Variants in PXDNL observed in about 807,000 individuals in gnomAD.
PXDNL encodes peroxidasin like, also known as probable oxidoreductase PXDNL.
In PXDNL, 145 loss-of-function variants were observed where a neutral mutation model predicts 150.8. The ratio of observed to expected loss-of-function variants is 0.96; its 90% CI spans 0.84 to 1.10. The LOEUF (loss-of-function observed/expected upper bound fraction) is 1.10. Ranked by LOEUF, PXDNL falls within the 50% of genes least tolerant of loss-of-function variation. The pLI is 0.00. For missense variants in PXDNL, 2,087 were observed against 1,873.9 expected, an observed-to-expected ratio of 1.11 and a Z score of -2.10; for synonymous variants, 757 against 725.7, an observed-to-expected ratio of 1.04 and a Z score of -0.69.
At chr8:51,775,082 C>T (rs1293517932) in intron 1 of PXDNL, among the ~76,000 whole-genome samples, 1 of 152,006 alleles carries the variant, frequency 6.6e-6, no homozygotes, top group Non-Finnish European at 1.5e-5. Flanking sequence ...GTTTTGTTCT[C>T]CCATTAAATA....
At chr8:51,794,050 A>C (rs2037538912) in intron 1 of PXDNL, among the ~76,000 whole-genome samples, 1 of 152,046 alleles carries the variant, frequency 6.6e-6, no homozygotes, top group African/African-American at 2.4e-5. Context: ...GAATAGACCA[A>C]GCAGAAGAAA....
In PXDNL at chr8:51,409,243, G is replaced by A. The variant is rs868265244; in HGVS notation, c.2381C>T (p.Thr794Ile). Residue 794 changes from threonine to isoleucine, a missense_variant, in exon 17 of 23, where the codon ACC becomes ATC. Thr to Ile is a moderately conservative substitution (Grantham distance 89, BLOSUM62 -1). Coordinates refer to ENST00000356297, the MANE Select transcript of PXDNL (RefSeq NM_144651.5). ...CATGCGCGTGTAGCTGTGGTCGGGG[G>A]TGACGGCCGCCGCGCGCGCCCACAC... The part of the protein sequence containing the change: ...ATVWARAAAV[T>I]PDHSYTRMLM... 6.6e-7 allele frequency: 1 copy of A among 1,520,820 alleles called. No individual in the cohort carries two copies. The highest frequency in any genetic ancestry group is 8.8e-7 in the Non-Finnish European group (1 of 1,138,412). 94.2% of individuals were successfully genotyped at this position (1,520,820 alleles called of 1,614,324 possible). A position where few individuals can be genotyped will look rare whatever the true frequency, so the allele number is the denominator to read the frequency against.
intron 1 of PXDNL, among the ~76,000 whole-genome samples, chr8:51,664,818 T>C (rs1186520965): frequency 6.6e-6 from 1 of 152,080 alleles, no homozygotes; most frequent in African/African-American, 2.4e-5. Flanking sequence ...GTCACCCATC[T>C]CCACACCCTG....
chr8:51,620,599 A>C (rs1041778099), intron 2 of PXDNL, among the ~76,000 whole-genome samples: 12 of 151,158 alleles, frequency 7.9e-5, no homozygotes, highest in African/African-American at 2.9e-4. Flanking sequence ...GCTGGAGTGC[A>C]GTGGCACGAT....
chr8:51,336,765 C>T (rs1805840483), intron 21 of PXDNL, among the ~76,000 whole-genome samples: 1 of 152,184 alleles, frequency 6.6e-6, no homozygotes, highest in Non-Finnish European at 1.5e-5. Flanking sequence ...ATCAGTCAGG[C>T]ATTTGCTACA....
chr8:51,590,065 A>G (rs1348642771), intron 3 of PXDNL, among the ~76,000 whole-genome samples: 1 of 152,062 alleles, frequency 6.6e-6, no homozygotes, highest in African/African-American at 2.4e-5. Flanking sequence ...CCTTCCATGG[A>G]CTTGCTGCTC....
intron 2 of PXDNL, among the ~76,000 whole-genome samples, chr8:51,644,646 A>T (rs1814877695): frequency 6.6e-6 from 1 of 151,086 alleles, no homozygotes; most frequent in African/African-American, 2.4e-5. Context: ...TTTAGTAGAG[A>T]TGGGGTTTCA....
intron 2 of PXDNL, among the ~76,000 whole-genome samples, chr8:51,604,150 T>G (rs1350387810): frequency 6.6e-6 from 1 of 152,068 alleles, no homozygotes; most frequent in East Asian, 1.9e-4. Context: ...CATTACTGGG[T>G]ATATACCCAA....
At chr8:51,392,704 C>T (rs939250001) in intron 17 of PXDNL, among the ~76,000 whole-genome samples, 1 of 152,158 alleles carries the variant, frequency 6.6e-6, no homozygotes, top group African/African-American at 2.4e-5. Context: ...ATTTGACTTC[C>T]TCTTTTCCTA....
chr8:51,809,080 G>T, intron 1 of PXDNL, 101 bp downstream of exon 1: 2 of 1,231,400 alleles, frequency 1.6e-6, no homozygotes, highest in Non-Finnish European at 2.3e-6. Flanking sequence ...TATACAAGCA[G>T]GGAGAGCATT....
chr8:51,404,247 A>C (rs966828201), intron 17 of PXDNL, among the ~76,000 whole-genome samples: 15 of 152,224 alleles, frequency 9.9e-5, no homozygotes, highest in Admixed American at 2.6e-4. Flanking sequence ...ACCGGAGTGG[A>C]TTGCCACTGT....
At chr8:51,405,796 G>A (rs1416282195) in intron 17 of PXDNL, among the ~76,000 whole-genome samples, 3 of 152,144 alleles carry the variant, frequency 2.0e-5, no homozygotes, top group Non-Finnish European at 4.4e-5. Flanking sequence ...ACTGACTTCT[G>A]GCAACCCACC....
intron 1 of PXDNL, among the ~76,000 whole-genome samples, chr8:51,734,616 C>A (rs747060641): frequency 6.6e-6 from 1 of 152,200 alleles, no homozygotes; most frequent in Non-Finnish European, 1.5e-5. Context: ...CAATTTCAAA[C>A]AAGTATTTTT....
chr8:51,348,373 A>G (rs1443700544), intron 19 of PXDNL, among the ~76,000 whole-genome samples: 1 of 152,230 alleles, frequency 6.6e-6, no homozygotes. Flanking sequence ...TACACAGATG[A>G]GTACACCTGA....
intron 17 of PXDNL, among the ~76,000 whole-genome samples, chr8:51,384,793 A>G (rs1586057592): frequency 6.6e-6 from 1 of 152,310 alleles, no homozygotes; most frequent in African/African-American, 2.4e-5. Flanking sequence ...AAGATTTTAC[A>G]TAGAACTAAA....
chr8:51,636,239 TAAC>T (rs1814600156), intron 2 of PXDNL, among the ~76,000 whole-genome samples: 1 of 152,138 alleles, frequency 6.6e-6, no homozygotes, highest in East Asian at 1.9e-4. Context: ...AAAATCCAGA[TAAC>T]ATTATACTTA....
intron 1 of PXDNL, among the ~76,000 whole-genome samples, chr8:51,675,864 C>T (rs1401944863): frequency 6.6e-6 from 1 of 151,336 alleles, no homozygotes; most frequent in Non-Finnish European, 1.5e-5. Context: ...AGACACCCTT[C>T]GATGATTTTC....
chr8:51,702,334 A>T (rs1466420258), intron 1 of PXDNL, among the ~76,000 whole-genome samples: 1 of 152,086 alleles, frequency 6.6e-6, no homozygotes, highest in African/African-American at 2.4e-5. Flanking sequence ...TGGAAACGTG[A>T]CTCTTCCACA....
chr8:51,501,162 C>A (rs1449019696), intron 4 of PXDNL, among the ~76,000 whole-genome samples: 1 of 152,160 alleles, frequency 6.6e-6, no homozygotes, highest in African/African-American at 2.4e-5. Flanking sequence ...GAGTTCTGTT[C>A]ATTTTAAAAG....
Sources: allele counts gnomAD v4.1 joint callset (sites outside exome capture counted in the v4.1 genomes callset), GRCh38; gene constraint gnomAD v4.1.1; transcripts MANE v1.5; gene names NCBI Gene and HGNC (gene_info 2026-07-23, HGNC 2026-07-21).